The following BBS9 variants were observed in gnomAD, a reference collection of about 807,000 sequenced individuals.
BBS9 encodes Bardet-Biedl syndrome 9.
In BBS9, 89 loss-of-function variants were observed where a neutral mutation model predicts 117.7. That is an observed-to-expected ratio of 0.76 (90% CI 0.64 to 0.90). BBS9 has a LOEUF of 0.90. Ranked by LOEUF, BBS9 falls within the 40% of genes least tolerant of loss-of-function variation. BBS9 has a pLI of 0.00. For synonymous variants in BBS9, 379 were observed against 370.9 expected, an observed-to-expected ratio of 1.02 and a Z score of -0.25; for missense variants, 982 against 1,042.2, an observed-to-expected ratio of 0.94 and a Z score of 0.80.
At chr7:33,608,158 T>C (rs1458936971), downstream of BBS9, among the ~76,000 whole-genome samples, 2 of 152,100 alleles carry the variant, frequency 1.3e-5, no homozygotes, top group East Asian at 3.9e-4. Flanking sequence ...TGGTTTTCTG[T>C]TCTGGCATTA....
chr7:33,159,040 TTTGA>T (rs1238582666), intron 4 of BBS9, among the ~76,000 whole-genome samples: 1 of 152,036 alleles, frequency 6.6e-6, no homozygotes, highest in Non-Finnish European at 1.5e-5. Flanking sequence ...ACTGGCCTCC[TTTGA>T]TTGGCCAAAA....
At chr7:33,272,815 A>G (rs1800039235) in intron 7 of BBS9, among the ~76,000 whole-genome samples, 197 bp from the exon 8 acceptor site, 1 of 152,152 alleles carries the variant, frequency 6.6e-6, no homozygotes, top group African/African-American at 2.4e-5. Flanking sequence ...GACATGGAAC[A>G]AAACTTTGAT....
chr7:33,152,388 T>G (rs1793480072), intron 2 of BBS9, among the ~76,000 whole-genome samples: 1 of 152,186 alleles, frequency 6.6e-6, no homozygotes, highest in Admixed American at 6.5e-5. Flanking sequence ...AACATTGTAC[T>G]AGTCCTTTGA....
At chr7:33,145,437 G>A (rs775166361) in intron 1 of BBS9, among the ~76,000 whole-genome samples, 1 of 152,144 alleles carries the variant, frequency 6.6e-6, no homozygotes, top group Non-Finnish European at 1.5e-5. Context: ...TGTTTGGGTT[G>A]CCCAAGGACA....
chr7:33,463,062 G>A (rs906754458), intron 19 of BBS9, among the ~76,000 whole-genome samples: 2 of 152,060 alleles, frequency 1.3e-5, no homozygotes, highest in African/African-American at 2.4e-5. Flanking sequence ...GAGGCCTGGA[G>A]GGTCTGCCTA....
chr7:33,632,682 C>G (rs1865950375), intron 21 of BBS9, among the ~76,000 whole-genome samples: 1 of 152,140 alleles, frequency 6.6e-6, no homozygotes, highest in East Asian at 1.9e-4. Flanking sequence ...ACCTCCCGTC[C>G]CACCCCTCCC....
At position 33,590,459 on chromosome 7, in the gene BBS9, G is replaced by GTTTTTTTGTTTTTGTTTTTTT. The variant is rs1554551689; in HGVS notation, c.2522-14399_2522-14398insGTTTTTGTTTTTTTTTTTTTT. On this transcript the variant is annotated intron_variant, in intron 21 of 22. Coordinates refer to ENST00000242067, the MANE Select transcript of BBS9 (RefSeq NM_198428.3). ...CCACTGTTTGTTTTTTTGTTTTTTT[G>GTTTTTTTGTTTTTGTTTTTTT]TTTTTTTTTTTTTTTTTTACCAGAT... Among the ~76,000 whole-genome samples the GTTTTTTTGTTTTTGTTTTTTT allele has an allele frequency of 7.0e-4, 71 of 101,462 alleles. 2 individuals are homozygous for GTTTTTTTGTTTTTGTTTTTTT. The highest frequency in any genetic ancestry group is 1.5e-3 in the African/African-American group (38 of 24,896). 66.6% of individuals were successfully genotyped at this position (101,462 alleles called of 152,430 possible).
intron 5 of BBS9, among the ~76,000 whole-genome samples, chr7:33,210,041 TC>T (rs374456292): frequency 6.6e-5 from 10 of 152,198 alleles, no homozygotes; most frequent in African/African-American, 2.4e-4. Context: ...CTATAAAATT[TC>T]CTTTTAGTAC....
intron 5 of BBS9, among the ~76,000 whole-genome samples, chr7:33,220,494 A>G (rs1462357372): frequency 1.3e-5 from 2 of 152,178 alleles, no homozygotes; most frequent in African/African-American, 4.8e-5. Context: ...TGTCTTCACC[A>G]TTGTGGTGAT....
In BBS9 at chr7:33,273,050, C is replaced by G; in HGVS notation, c.741C>G (p.Asp247Glu). 1 of 1,613,598 alleles carries G rather than the reference C, an allele frequency of 6.2e-7. No individual in the cohort carries two copies. The highest frequency in any genetic ancestry group is 8.5e-7 in the Non-Finnish European group (1 of 1,179,754). Residue 247 changes from aspartate (D) to glutamate (E), a missense_variant, in exon 8 of 23, where the codon GAC becomes GAG. Transcript: ENST00000242067. ...WTLNIGEQALDICIVSFNQSA... is the reference protein window; with the variant it reads ...WTLNIGEQALEICIVSFNQSA... ...TAAATATTGGAGAGCAAGCCCTTGA[C>G]ATATGTATTGTCTCTTTCAATCAGT...
intron 21 of BBS9, among the ~76,000 whole-genome samples, chr7:33,593,832 C>T (rs553290352): frequency 6.6e-6 from 1 of 152,220 alleles, no homozygotes; most frequent in South Asian, 2.1e-4. Context: ...GGATCCATTC[C>T]AATCTGTAGG....
At chr7:33,530,185 T>C (rs1850355345) in intron 20 of BBS9, among the ~76,000 whole-genome samples, 1 of 152,232 alleles carries the variant, frequency 6.6e-6, no homozygotes, top group Admixed American at 6.5e-5. Flanking sequence ...TGAATTTATG[T>C]AGCAATTCAG....
intron 19 of BBS9, among the ~76,000 whole-genome samples, chr7:33,466,586 C>A (rs1009176860): frequency 6.6e-6 from 1 of 152,020 alleles, no homozygotes; most frequent in Admixed American, 6.6e-5. Flanking sequence ...GCAGACACTT[C>A]GGTTGTTTCC....
intron 19 of BBS9, among the ~76,000 whole-genome samples, chr7:33,461,846 T>C (rs2128935155): frequency 6.6e-6 from 1 of 152,120 alleles, no homozygotes; most frequent in East Asian, 1.9e-4. Context: ...GATAGTCTTT[T>C]AGTTTGGACC....
chr7:33,575,796 C>CA (rs1858731652), intron 21 of BBS9, among the ~76,000 whole-genome samples: 1 of 152,022 alleles, frequency 6.6e-6, no homozygotes, highest in Non-Finnish European at 1.5e-5. Context: ...ACAGAACCAA[C>CA]AACAAAACCA....
chr7:33,390,532 T>G, intron 19 of BBS9: 1 of 964,898 alleles, frequency 1.0e-6, no homozygotes, highest in Non-Finnish European at 1.2e-6. Flanking sequence ...GGATTTTGAC[T>G]TAATTTTTAT....
At position 33,511,844 on chromosome 7, in the gene BBS9, G is replaced by C. The variant is rs138883159; in HGVS notation, c.2298+6199G>C. ...ACTTACAAGGTTTAAAGACTTCTAC[G>C]TCATAGGTCAGGTTTAATGTAAGGG... On this transcript the variant is annotated intron_variant, in intron 20 of 22. Coordinates refer to ENST00000242067, the MANE Select transcript of BBS9 (RefSeq NM_198428.3). 2.0e-5 allele frequency among the ~76,000 whole-genome samples: 3 copies of C among 152,322 alleles called. No homozygotes were observed. In the South Asian group the frequency reaches 6.2e-4, roughly 32 times the overall value.
intron 21 of BBS9, among the ~76,000 whole-genome samples, chr7:33,547,563 T>C (rs1488044870): frequency 6.6e-6 from 1 of 152,242 alleles, no homozygotes; most frequent in African/African-American, 2.4e-5. Context: ...TAGTGAAGTC[T>C]AGCCACATAG....
At chr7:33,149,031 G>A (rs557912842) in intron 2 of BBS9, among the ~76,000 whole-genome samples, 94 of 152,286 alleles carry the variant, frequency 6.2e-4, no homozygotes, top group Non-Finnish European at 1.2e-3. Flanking sequence ...GTATGAATGG[G>A]GAGTGAGTGG....
Sources: allele counts gnomAD v4.1 joint callset (sites outside exome capture counted in the v4.1 genomes callset), GRCh38; gene constraint gnomAD v4.1.1; transcripts MANE v1.5; gene names NCBI Gene and HGNC (gene_info 2026-07-23, HGNC 2026-07-21).